NRXN1: variants seen among roughly 807,000 people sequenced by gnomAD.
The protein encoded by NRXN1 is neurexin 1, also known as neurexin-1.
In NRXN1, 39 loss-of-function variants were observed where a neutral mutation model predicts 150.9. The ratio of observed to expected loss-of-function variants is 0.26; its 90% CI spans 0.20 to 0.34. The LOEUF is 0.34. Ranked by LOEUF, NRXN1 falls within the 10% of genes least tolerant of loss-of-function variation. The pLI is 1.00. For missense variants in NRXN1, 1,815 were observed against 1,949.9 expected (o/e 0.93, Z 1.30); for synonymous variants, 924 against 757.0 (o/e 1.22, Z -3.62).
intron 21 of NRXN1, among the ~76,000 whole-genome samples, chr2:50,015,707 C>T (rs1573420530): frequency 6.6e-6 from 1 of 151,954 alleles, no homozygotes; most frequent in Admixed American, 6.6e-5. Flanking sequence ...TTACCTTAAA[C>T]CACTGAACAT....
chr2:50,070,481 T>C (rs1043769034), intron 19 of NRXN1, among the ~76,000 whole-genome samples: 2 of 152,054 alleles, frequency 1.3e-5, no homozygotes, highest in Non-Finnish European at 2.9e-5. Flanking sequence ...CTTAAAAACC[T>C]GTAAGTGGGC....
Position 51,028,202 on chromosome 2 carries a change from C to G in NRXN1, c.72G>C (p.Trp24Cys), listed in dbSNP as rs1477139182. 1 of 1,491,228 alleles carries G rather than the reference C, an allele frequency of 6.7e-7. No individual in the cohort carries two copies. Among genetic ancestry groups the G allele is most frequent in the Non-Finnish European group, 8.9e-7 (1 of 1,126,744 alleles). The allele number at this position is 1,491,228 out of a possible 1,614,324, so 92.4% of individuals were successfully genotyped here. ...ACTCCAGCCCGCTGCCCAGCTCCGC[C>G]CAGCAGCCCAGGAGCAGCAGCGAGA... ...LCLSLLLLGC[W>C]AELGSGLEFP... The change falls in exon 2 of 23, where the codon TGG becomes TGC. Residue 24 changes from tryptophan (W) to cysteine (C), a missense_variant. Physicochemically the swap from Trp to Cys is radical, Grantham distance 215 (BLOSUM62 -2). Transcript: ENST00000401669.
Position 50,554,913 on chromosome 2 carries a change from G to T in NRXN1, c.1321-1888C>A, listed in dbSNP as rs185640053. 1.1e-3 allele frequency among the ~76,000 whole-genome samples: 160 copies of T among 152,186 alleles called. 1 individual carries two copies. The highest frequency in any genetic ancestry group is 1.9e-3 in the Non-Finnish European group (128 of 67,988). On this transcript the variant is annotated intron_variant, in intron 8 of 22. Transcript: ENST00000401669. ...TATTGACAACAAAAGAAGAGAAAAT[G>T]AACTTGAGCAATAACAAAAAGGAAT... is the stretch of plus-strand genomic sequence containing the variant.
At chr2:50,205,584 C>T (rs2062510349) in intron 18 of NRXN1, among the ~76,000 whole-genome samples, 1 of 152,006 alleles carries the variant, frequency 6.6e-6, no homozygotes, top group South Asian at 2.1e-4. Flanking sequence ...ATAAGTCACA[C>T]AGATGTGGAG....
At chr2:50,748,862 C>A (rs961227058) in intron 5 of NRXN1, among the ~76,000 whole-genome samples, 1 of 152,200 alleles carries the variant, frequency 6.6e-6, no homozygotes, top group Middle Eastern at 3.4e-3. Flanking sequence ...CAGATAACAA[C>A]TACTGTCAGT....
At chr2:50,053,794 T>G (rs1418578451) in intron 20 of NRXN1, among the ~76,000 whole-genome samples, 1 of 152,204 alleles carries the variant, frequency 6.6e-6, no homozygotes. Flanking sequence ...CTCAACTTAT[T>G]ATAAATGTAG....
intron 15 of NRXN1, among the ~76,000 whole-genome samples, chr2:50,492,482 A>G (rs1212629637): frequency 6.6e-6 from 1 of 152,222 alleles, no homozygotes; most frequent in Non-Finnish European, 1.5e-5. Context: ...GTTCTACACT[A>G]AAGTCCTGTT....
intron 5 of NRXN1, among the ~76,000 whole-genome samples, chr2:50,639,222 CTTT>C (rs34380621): frequency 7.3e-6 from 1 of 137,356 alleles, no homozygotes. Context: ...TTCTTTCTTT[CTTT>C]TTTTTTTTTT....
intron 17 of NRXN1, among the ~76,000 whole-genome samples, chr2:50,309,524 T>C (rs925570000): frequency 6.6e-6 from 1 of 152,208 alleles, no homozygotes; most frequent in Non-Finnish European, 1.5e-5. Context: ...TTCCCCTGTA[T>C]GTCATAAATC....
chr2:50,385,018 C>G (rs1358690616), intron 17 of NRXN1, among the ~76,000 whole-genome samples: 1 of 152,174 alleles, frequency 6.6e-6, no homozygotes, highest in Non-Finnish European at 1.5e-5. Flanking sequence ...CATCTAGTTT[C>G]AATGATCAGT....
intron 2 of NRXN1, among the ~76,000 whole-genome samples, chr2:50,943,518 A>G (rs1358867976): frequency 6.6e-6 from 1 of 152,194 alleles, no homozygotes; most frequent in Non-Finnish European, 1.5e-5. Context: ...AGCACCTTCT[A>G]TAATGATGGA....
At chr2:50,080,978 T>C (rs1697873100) in intron 19 of NRXN1, among the ~76,000 whole-genome samples, 4 of 152,206 alleles carry the variant, frequency 2.6e-5, no homozygotes, top group African/African-American at 4.8e-5. Context: ...TTCTGAATTC[T>C]AGGTAAATGG....
At chr2:50,849,541 T>C (rs1674198249) in intron 5 of NRXN1, among the ~76,000 whole-genome samples, 1 of 152,168 alleles carries the variant, frequency 6.6e-6, no homozygotes, top group South Asian at 2.1e-4. Context: ...CCAATTAAGT[T>C]TTCTAATACT....
In NRXN1 at chr2:50,596,111, T is replaced by C. The variant is rs538513693; in HGVS notation, c.1320+23911A>G. On this transcript the variant is annotated intron_variant, in intron 8 of 22. Transcript: ENST00000401669. ...AAGCTTCTCCTCAGCCTTTTACTTC[T>C]TCCAGCAACAGTCCTTCTCTCTCTT... Among the ~76,000 whole-genome samples the C allele has an allele frequency of 5.9e-5, 9 of 152,320 alleles. No homozygotes were observed. In the South Asian group the frequency reaches 1.7e-3, roughly 28 times the overall value.
chr2:50,480,905 G>A (rs571779659), intron 15 of NRXN1, among the ~76,000 whole-genome samples: 2 of 151,972 alleles, frequency 1.3e-5, no homozygotes, highest in South Asian at 4.2e-4. Flanking sequence ...GCATTACTAT[G>A]GTCAAAACCA....
intron 17 of NRXN1, among the ~76,000 whole-genome samples, chr2:50,311,498 G>A (rs76802785): frequency 0.021 from 3,237 of 152,134 alleles, 98 homozygotes; most frequent in African/African-American, 0.074. Flanking sequence ...CTGATAATCC[G>A]AACCTGGATA....
intron 5 of NRXN1, among the ~76,000 whole-genome samples, chr2:50,828,774 G>A (rs1255188041): frequency 6.7e-6 from 1 of 149,234 alleles, no homozygotes; most frequent in Non-Finnish European, 1.5e-5. Flanking sequence ...GGCTCCTCAT[G>A]TCCCAGACGA....
chr2:50,612,513 C>T (rs1050207608), intron 8 of NRXN1, among the ~76,000 whole-genome samples: 1 of 152,110 alleles, frequency 6.6e-6, no homozygotes, highest in Non-Finnish European at 1.5e-5. Context: ...CAGGCACATG[C>T]CTCTTGGGTA....
chr2:50,978,714 T>C (rs1454704274), intron 2 of NRXN1, among the ~76,000 whole-genome samples: 2 of 152,020 alleles, frequency 1.3e-5, no homozygotes, highest in East Asian at 1.9e-4. Context: ...AAGGAGCACG[T>C]CTATTTGATA....
Sources: allele counts gnomAD v4.1 joint callset (sites outside exome capture counted in the v4.1 genomes callset), GRCh38; gene constraint gnomAD v4.1.1; transcripts MANE v1.5; gene names NCBI Gene and HGNC (gene_info 2026-07-23, HGNC 2026-07-21).